Variants in TCOF1 observed in about 807,000 individuals in gnomAD.
TCOF1 encodes treacle ribosome biogenesis factor 1, also known as treacle protein.
A neutral mutation model predicts 149.0 loss-of-function variants in TCOF1; 33 were observed. That is an observed-to-expected ratio of 0.22 (90% CI 0.17 to 0.30). TCOF1 has a LOEUF of 0.30. Among genes scored for constraint, TCOF1 ranks in the 10% least tolerant of loss-of-function variants. TCOF1 has a pLI of 1.00. For missense variants in TCOF1, 1,728 were observed against 1,840.7 expected, an observed-to-expected ratio of 0.94 and a Z score of 1.12; for synonymous variants, 789 against 738.8, an observed-to-expected ratio of 1.07 and a Z score of -1.10.
intron 17 of TCOF1, chr5:150,385,026 CTG>C (rs202121163): frequency 0.019 from 18,656 of 985,406 alleles, 206 homozygotes; most frequent in Non-Finnish European, 0.021. Flanking sequence ...AGGCCAGAGT[CTG>C]TGCTGGGGTC....
At position 150,398,169 on chromosome 5, in the gene TCOF1, G is replaced by A. The variant is rs866801222; in HGVS notation, c.4346-185G>A. On this transcript the variant is annotated intron_variant, in intron 24 of 26. Coordinates refer to ENST00000643257, the MANE Select transcript of TCOF1 (RefSeq NM_001371623.1). Reference sequence around the variant, plus strand: ...ACTCCTGGGCTTAAGCAATCCACCCGCCTCAGCCTCCCAAAGTGCTGGGAT... The same window carrying A: ...ACTCCTGGGCTTAAGCAATCCACCCACCTCAGCCTCCCAAAGTGCTGGGAT... 6.6e-5 allele frequency among the ~76,000 whole-genome samples: 10 copies of A among 152,198 alleles called. No homozygotes were observed. The South Asian group carries it at 1.2e-3, about 19-fold the overall frequency.
chr5:150,393,523 A>G lies in TCOF1; in HGVS notation c.3755A>G (p.Gln1252Arg), dbSNP rs376978873. ...PDGKQEAKPQQAAGMLSPKTG... is the reference protein window; with the variant it reads ...PDGKQEAKPQRAAGMLSPKTG... ...GGCAAGCAGGAGGCAAAGCCCCAAC[A>G]GGCAGCAGGCATGTTGTCCCCTAAA... Residue 1252 changes from glutamine to arginine, a missense_variant, in exon 23 of 27, where the codon CAG becomes CGG. Around this residue, in one of 2 missense-constraint regions of TCOF1, gnomAD observed 1,696 missense variants for 1,765.4 expected, o/e 0.96. Coordinates refer to ENST00000643257, the MANE Select transcript of TCOF1 (RefSeq NM_001371623.1). The G allele has an allele frequency of 1.9e-6, 3 of 1,614,082 alleles. No homozygotes were observed. Among genetic ancestry groups the G allele is most frequent in the Admixed American group, 1.7e-5 (1 of 60,010 alleles).
At chr5:150,378,744 C>T in intron 14 of TCOF1, 161 bp from the exon 15 acceptor site, 4 of 954,388 alleles carry the variant, frequency 4.2e-6, no homozygotes, top group Non-Finnish European at 6.6e-6. Flanking sequence ...GAGGACTGAA[C>T]TGAGGCCCAG....
rs374689374 is a variant in TCOF1 at position 150,358,959 on chromosome 5, A to C, written c.108+1105A>C. Among the ~76,000 whole-genome samples, 4 of 151,794 alleles carry C rather than the reference A, an allele frequency of 2.6e-5. No homozygotes were observed. In the East Asian group the frequency reaches 5.8e-4, roughly 22 times the overall value. ...GGAGAAAGTCCACTCTCTTGAGCCC[A>C]GGAATTTGAGGATACAGTATGAGCC... On this transcript the variant is annotated intron_variant, in intron 1 of 26. Coordinates refer to ENST00000643257, the MANE Select transcript of TCOF1 (RefSeq NM_001371623.1).
chr5:150,396,801 G>A lies in TCOF1; in HGVS notation c.4304G>A (p.Ser1435Asn). Residue 1435 changes from serine (S) to asparagine (N), a missense_variant, in exon 24 of 27, where the codon AGC becomes AAC. Coordinates refer to ENST00000643257, the MANE Select transcript of TCOF1 (RefSeq NM_001371623.1). ...GMGTVEGGDQ[S>N]NPKSKKEKKK... ...GGGACGGTTGAAGGTGGAGATCAAAGCAACCCAAAGAGCAAGAAGGAGAAG... is the reference window on the plus strand; with the variant it reads ...GGGACGGTTGAAGGTGGAGATCAAAACAACCCAAAGAGCAAGAAGGAGAAG... 1 of 1,609,772 alleles carries A rather than the reference G, an allele frequency of 6.2e-7. No homozygotes were observed. Among genetic ancestry groups the A allele is most frequent in the Non-Finnish European group, 8.5e-7 (1 of 1,178,500 alleles).
intron 6 of TCOF1, among the ~76,000 whole-genome samples, chr5:150,370,417 G>A (rs371610985): frequency 1.5e-4 from 23 of 152,264 alleles, no homozygotes; most frequent in East Asian, 1.2e-3. Flanking sequence ...GTGCAGTAGC[G>A]CGATCTTGGC....
At chr5:150,390,156 C>T in intron 19 of TCOF1, 133 bp downstream of exon 19, 1 of 1,415,144 alleles carries the variant, frequency 7.1e-7, no homozygotes, top group East Asian at 2.5e-5. Context: ...GCCTCACAGC[C>T]AGAGGCTTTC....
At position 150,379,448 on chromosome 5, in the gene TCOF1, G is replaced by A. The variant is rs781738718; in HGVS notation, c.2658+40G>A. On this transcript the variant is annotated intron_variant, in intron 16 of 26. Transcript: ENST00000643257. ...ATGGAGATCATCCCCTACATGGGAT[G>A]TAACACCTTTGCCACATCCAGCTCC... is the stretch of plus-strand genomic sequence containing the variant. The A allele has an allele frequency of 2.0e-5, 33 of 1,614,058 alleles. No individual in the cohort carries two copies. In the East Asian group the frequency reaches 4.7e-4, roughly 23 times the overall value.
At chr5:150,363,024 A>G (rs896341926) in intron 2 of TCOF1, among the ~76,000 whole-genome samples, 1 of 152,182 alleles carries the variant, frequency 6.6e-6, no homozygotes, top group Non-Finnish European at 1.5e-5. Context: ...AATGAAAATA[A>G]TGATGGCAAT....
At chr5:150,395,956 T>C (rs1768412514) in intron 23 of TCOF1, among the ~76,000 whole-genome samples, 1 of 152,132 alleles carries the variant, frequency 6.6e-6, no homozygotes, top group Admixed American at 6.5e-5. Context: ...TCTCCCTCCT[T>C]TCTGAATTTT....
At chr5:150,371,906 A>C in intron 6 of TCOF1, 100 bp from the exon 7 acceptor site, 1 of 1,102,272 alleles carries the variant, frequency 9.1e-7, no homozygotes. Context: ...ATCCAGTGAC[A>C]TTAGGAAAGA....
intron 22 of TCOF1, 77 bp downstream of exon 22, chr5:150,392,867 C>T (rs1767729684): frequency 6.5e-7 from 1 of 1,532,108 alleles, no homozygotes; most frequent in African/African-American, 1.4e-5. Context: ...CTACCCGATC[C>T]CTCAGGTCAG....
At chr5:150,378,827 C>T in intron 14 of TCOF1, 78 bp from the exon 15 acceptor site, 2 of 1,604,460 alleles carry the variant, frequency 1.2e-6, no homozygotes, top group South Asian at 2.2e-5. Flanking sequence ...CGGGCTCCAG[C>T]TCCAGAGTCT....
At chr5:150,398,890 C>T (rs11744415) in intron 25 of TCOF1, 132 bp from the exon 26 acceptor site, 3 of 1,248,750 alleles carry the variant, frequency 2.4e-6, no homozygotes, top group African/African-American at 1.5e-5. Flanking sequence ...CATCTGTTTG[C>T]CTCTGCCCTT....
chr5:150,373,236 A>G (rs1005147155), intron 7 of TCOF1, among the ~76,000 whole-genome samples: 8 of 151,856 alleles, frequency 5.3e-5, no homozygotes, highest in Admixed American at 1.3e-4. Context: ...GTGTGTGTGT[A>G]TAGACAGGGT....
intron 1 of TCOF1, 53 bp from the exon 2 acceptor site, chr5:150,361,103 G>A (rs1336955795): frequency 1.1e-5 from 17 of 1,611,938 alleles, no homozygotes; most frequent in Non-Finnish European, 1.4e-5. Context: ...GGCCCAAGAA[G>A]GATCCTTACT....
intron 25 of TCOF1, 108 bp downstream of exon 25, chr5:150,398,559 C>CG: frequency 6.4e-7 from 1 of 1,554,186 alleles, no homozygotes; most frequent in Non-Finnish European, 8.8e-7. Flanking sequence ...GGGGCCCAGT[C>CG]GGGGGCGTCA....
chr5:150,365,482 C>T (rs1352757207), intron 3 of TCOF1, among the ~76,000 whole-genome samples: 1 of 151,926 alleles, frequency 6.6e-6, no homozygotes, highest in Non-Finnish European at 1.5e-5. Flanking sequence ...TTTTGTTGTC[C>T]TACCCTGTTC....
At chr5:150,373,912 A>C (rs1024603476) in intron 7 of TCOF1, among the ~76,000 whole-genome samples, 2 of 152,154 alleles carry the variant, frequency 1.3e-5, no homozygotes, top group African/African-American at 4.8e-5. Flanking sequence ...GGTGTCTCTT[A>C]GGGAGCCAGA....
Sources: allele counts gnomAD v4.1 joint callset (sites outside exome capture counted in the v4.1 genomes callset), GRCh38; gene constraint gnomAD v4.1.1; regional missense constraint gnomAD v4.1.1; transcripts MANE v1.5; gene names NCBI Gene and HGNC (gene_info 2026-07-23, HGNC 2026-07-21).